DOCK10: variants seen among roughly 807,000 people sequenced by gnomAD.
DOCK10 encodes dedicator of cytokinesis protein 10.
DOCK10 carries 145 observed loss-of-function variants against 280.1 expected under a neutral mutation model. That is an observed-to-expected ratio of 0.52 (90% CI 0.45 to 0.59). The LOEUF is 0.59. Among genes scored for constraint, DOCK10 ranks in the 20% least tolerant of loss-of-function variants. The probability of loss-of-function intolerance (pLI) is 0.00; values close to 1 mark genes in which losing one functional copy is unlikely to be tolerated. For missense variants in DOCK10, 2,368 were observed against 2,651.7 expected (o/e 0.89, Z 2.35); for synonymous variants, 915 against 942.2 (o/e 0.97, Z 0.53).
At position 224,952,673 on chromosome 2, in the gene DOCK10, A is replaced by C. The variant is rs533934594; in HGVS notation, c.124-21005T>G. Among the ~76,000 whole-genome samples, 4 of 150,096 alleles carry C rather than the reference A, an allele frequency of 2.7e-5. No homozygotes were observed. The East Asian group carries it at 7.8e-4, about 29-fold the overall frequency. ...AGTGGCGGGATCTCGGCTCACTGCA[A>C]GCTCCGCCTCCCGGGTTCACGCCAT... On this transcript the variant is annotated intron_variant, in intron 1 of 55. Coordinates refer to ENST00000258390, the MANE Select transcript of DOCK10 (RefSeq NM_014689.3).
chr2:225,024,016 A>G (rs1559972702), intron 1 of DOCK10, among the ~76,000 whole-genome samples: 1 of 152,246 alleles, frequency 6.6e-6, no homozygotes, highest in South Asian at 2.1e-4. Flanking sequence ...TGTACTAAGG[A>G]CACCCTATTT....
chr2:224,895,668 T>C (rs1423696486), intron 4 of DOCK10, among the ~76,000 whole-genome samples: 1 of 152,148 alleles, frequency 6.6e-6, no homozygotes, highest in Non-Finnish European at 1.5e-5. Flanking sequence ...AAACAGACAC[T>C]GAATTAATTT....
chr2:224,876,358 G>A (rs1698629282), intron 7 of DOCK10, 137 bp from the exon 8 acceptor site: 1 of 709,752 alleles, frequency 1.4e-6, no homozygotes, highest in African/African-American at 1.8e-5. Flanking sequence ...TCCAGAACAA[G>A]ACAAAATTTT....
chr2:224,793,436 T>C lies in DOCK10; in HGVS notation c.5176A>G (p.Ile1726Val). ...AGATACTCTGCAATGAGAGCAGCAA[T>C]ATGGATGTAACACATGGCAGCCTGT... ...LSEAAMCYIH[I>V]AALIAEYLKR... Residue 1726 changes from isoleucine to valine, a missense_variant, in exon 46 of 56, where the codon ATT becomes GTT. Coordinates refer to ENST00000258390, the MANE Select transcript of DOCK10 (RefSeq NM_014689.3). 1 of 1,613,552 alleles carries C rather than the reference T, an allele frequency of 6.2e-7. No homozygotes were observed. Among genetic ancestry groups the C allele is most frequent in the Non-Finnish European group, 8.5e-7 (1 of 1,179,670 alleles).
intron 3 of DOCK10, among the ~76,000 whole-genome samples, chr2:224,913,718 GTTTA>G (rs113890271): frequency 0.029 from 4,339 of 150,394 alleles, 185 homozygotes; most frequent in African/African-American, 0.096. Context: ...TTGTTTGTCT[GTTTA>G]TTTATTTATT....
In DOCK10 at chr2:224,903,047, G is replaced by A. The variant is rs1416577998; in HGVS notation, c.334-6670C>T. ...CGGGAGGCGGAGCTTGCAGTGAGCC[G>A]AGATTGCGCCACTGCTCTCCAGCCT... On this transcript the variant is annotated intron_variant, in intron 3 of 55. Coordinates refer to ENST00000258390, the MANE Select transcript of DOCK10 (RefSeq NM_014689.3). 2.0e-5 allele frequency among the ~76,000 whole-genome samples: 3 copies of A among 152,194 alleles called. No homozygotes were observed. The East Asian group carries it at 5.8e-4, about 29-fold the overall frequency.
At chr2:224,821,967 A>G (rs150365723) in intron 28 of DOCK10, among the ~76,000 whole-genome samples, 43 of 152,320 alleles carry the variant, frequency 2.8e-4, no homozygotes, top group African/African-American at 1.0e-3. Context: ...AAGAACACAT[A>G]CAGTGTATAA....
At chr2:224,817,388 C>T (rs1694199056) in intron 29 of DOCK10, among the ~76,000 whole-genome samples, 1 of 152,118 alleles carries the variant, frequency 6.6e-6, no homozygotes, top group South Asian at 2.1e-4. Flanking sequence ...TGCTAAGTAA[C>T]CATGTTTTAA....
rs1693302217 is a variant in DOCK10, at chr2:224,805,114, A to G, written c.4062T>C (p.Ile1354=). Residue 1354 remains isoleucine, a synonymous_variant, in exon 37 of 56, where the codon ATT becomes ATC. Coordinates refer to ENST00000258390, the MANE Select transcript of DOCK10 (RefSeq NM_014689.3). The surrounding 1 kb of genome is among the most constrained non-coding windows in gnomAD (Gnocchi z 4.3). ...GGCTGGGAGCTCTCTGCCAGTAGGC[A>G]ATCAGAGTCTCTAAAAGGAAACACC... ...IMKTISYETL[I]AYWQRAPSPE... The G allele has an allele frequency of 5.0e-6, 8 of 1,611,480 alleles. No individual in the cohort carries two copies. The highest frequency in any genetic ancestry group is 5.1e-6 in the Non-Finnish European group (6 of 1,178,930).
chr2:224,959,730 T>C (rs1337322560), intron 1 of DOCK10, among the ~76,000 whole-genome samples: 1 of 152,266 alleles, frequency 6.6e-6, no homozygotes, highest in Non-Finnish European at 1.5e-5. Context: ...TATTCAGTTA[T>C]GTATTTTTAA....
intron 52 of DOCK10, among the ~76,000 whole-genome samples, chr2:224,774,166 G>A (rs1690657964): frequency 6.6e-6 from 1 of 152,148 alleles, no homozygotes; most frequent in Admixed American, 6.5e-5. Flanking sequence ...ATTCCAGGAT[G>A]GCCCAGCTCT....
At chr2:224,989,642 G>A (rs769789604) in intron 1 of DOCK10, among the ~76,000 whole-genome samples, 9 of 152,124 alleles carry the variant, frequency 5.9e-5, no homozygotes, top group Non-Finnish European at 8.8e-5. Flanking sequence ...ATCTTCTTCC[G>A]TGTCTGTTTC....
intron 1 of DOCK10, among the ~76,000 whole-genome samples, chr2:224,940,473 T>C (rs1702969894): frequency 6.6e-6 from 1 of 152,232 alleles, no homozygotes; most frequent in Non-Finnish European, 1.5e-5. Flanking sequence ...CTCTTTTAGC[T>C]AATGACTTCT....
intron 51 of DOCK10, among the ~76,000 whole-genome samples, chr2:224,775,722 C>T (rs560763842): frequency 6.6e-6 from 1 of 152,334 alleles, no homozygotes; most frequent in South Asian, 2.1e-4. Flanking sequence ...GAGATCTGTC[C>T]TCTTGGCCTC....
At chr2:224,914,669 A>G (rs755033808) in intron 3 of DOCK10, among the ~76,000 whole-genome samples, 2 of 152,158 alleles carry the variant, frequency 1.3e-5, no homozygotes, top group Non-Finnish European at 2.9e-5. Flanking sequence ...ATAAAACACC[A>G]TCTTTCATAA....
At chr2:225,011,764 C>A (rs1689445358) in intron 1 of DOCK10, among the ~76,000 whole-genome samples, 1 of 152,140 alleles carries the variant, frequency 6.6e-6, no homozygotes, top group Non-Finnish European at 1.5e-5. Context: ...CAAATTGCCA[C>A]AGGCATTATA....
chr2:224,807,278 C>A (rs1693452585), intron 33 of DOCK10: 1 of 167,988 alleles, frequency 6.0e-6, no homozygotes, highest in Non-Finnish European at 1.3e-5. Flanking sequence ...GGATTATAGT[C>A]ACTCCTGGGT....
At chr2:224,792,698 T>C (rs1692282629) in intron 47 of DOCK10, among the ~76,000 whole-genome samples, 1 of 152,274 alleles carries the variant, frequency 6.6e-6, no homozygotes, top group Admixed American at 6.5e-5. Context: ...CAGACTGGCA[T>C]GCAGATTGGT....
chr2:224,921,403 T>G (rs1398891251), intron 2 of DOCK10, among the ~76,000 whole-genome samples: 1 of 151,746 alleles, frequency 6.6e-6, no homozygotes, highest in African/African-American at 2.4e-5. Flanking sequence ...AATGTAGGCT[T>G]GGGTTCCCCA....
Sources: allele counts gnomAD v4.1 joint callset (sites outside exome capture counted in the v4.1 genomes callset), GRCh38; gene constraint gnomAD v4.1.1; non-coding constraint Gnocchi (gnomAD v3.1); transcripts MANE v1.5; gene names NCBI Gene and HGNC (gene_info 2026-07-23, HGNC 2026-07-21).